Variants in UNC13C observed in about 807,000 individuals in gnomAD.
UNC13C encodes unc-13 homolog C, also known as protein unc-13 homolog C.
Under a neutral mutation model 245.4 loss-of-function variants are expected in UNC13C, and 174 were observed. That is an observed-to-expected ratio of 0.71 (90% CI 0.63 to 0.80). The LOEUF is 0.80. Among genes scored for constraint, UNC13C ranks in the 30% least tolerant of loss-of-function variants. The pLI, the probability that UNC13C is intolerant of heterozygous loss-of-function variation, is 0.00. For synonymous variants in UNC13C, 992 were observed against 895.1 expected (o/e 1.11, Z -1.93); for missense variants, 2,829 against 2,602.9 (o/e 1.09, Z -1.89).
chr15:53,914,837 T>A, the UNC13C span: 4 of 152,164 alleles, frequency 2.6e-5, no homozygotes, highest in African/African-American at 9.7e-5. Context: ...GTGATAACTG[T>A]TTTAGGTTTA....
intron 10 of UNC13C, among the ~76,000 whole-genome samples, chr15:54,267,950 T>TTTTTTTTAAATTTTACTTTAAAAA (rs2036588001): frequency 6.6e-6 from 1 of 151,572 alleles, no homozygotes; most frequent in Admixed American, 6.6e-5. Flanking sequence ...CTTTCTTTCT[T>TTTTTTTTAAATTTTACTTTAAAAA]TTTTTTTAAA....
chr15:54,132,966 A>G (rs2031519591), intron 2 of UNC13C, among the ~76,000 whole-genome samples: 1 of 152,206 alleles, frequency 6.6e-6, no homozygotes, highest in Non-Finnish European at 1.5e-5. Flanking sequence ...GAGGTAAAAC[A>G]TTGAGGGAGA....
chr15:54,600,312 T>C (rs951409564), intron 30 of UNC13C, among the ~76,000 whole-genome samples: 1 of 152,064 alleles, frequency 6.6e-6, no homozygotes, highest in Non-Finnish European at 1.5e-5. Flanking sequence ...AAAAGGGCTA[T>C]CTAGGGAGGG....
chr15:54,482,928 A>G (rs1415371066), intron 19 of UNC13C, among the ~76,000 whole-genome samples: 2 of 152,240 alleles, frequency 1.3e-5, no homozygotes, highest in Non-Finnish European at 2.9e-5. Context: ...TTTTTAATGA[A>G]CTAGTTTATT....
At chr15:53,865,381 GT>G in the UNC13C span, among the ~76,000 whole-genome samples, 6 of 152,142 alleles carry the variant, frequency 3.9e-5, no homozygotes, top group South Asian at 2.1e-4. Flanking sequence ...AGCAGGTTTG[GT>G]TTTTCCTGAG....
At chr15:54,062,058 A>G (rs1321298524) in intron 2 of UNC13C, among the ~76,000 whole-genome samples, 5 of 152,026 alleles carry the variant, frequency 3.3e-5, no homozygotes, top group Non-Finnish European at 7.4e-5. Context: ...GGTGGCTCAC[A>G]CCTGTAATCC....
rs1304425603 is a variant in UNC13C at position 54,626,854 on chromosome 15, G to T, written c.6386G>T (p.Gly2129Val). The T allele has an allele frequency of 3.1e-6, 5 of 1,612,546 alleles. No homozygotes were observed. The South Asian group carries it at 5.5e-5, about 18-fold the overall frequency. Reference sequence around the variant, plus strand: ...ATTCTCGGAAAGGAAAATCGACCAGGGGCTTATGAACTTCATCTCTCAGTT... The same window carrying T: ...ATTCTCGGAAAGGAAAATCGACCAGTGGCTTATGAACTTCATCTCTCAGTT... ...QFILGKENRP[G>V]AYELHLSVKD... Residue 2129 changes from glycine (G) to valine (V), a missense_variant, in exon 33 of 33, where the codon GGG becomes GTG. By Grantham distance (109) the Gly-to-Val change is moderately radical. Transcript: ENST00000260323.
chr15:54,225,591 A>G (rs879188231), intron 4 of UNC13C, among the ~76,000 whole-genome samples: 2 of 152,172 alleles, frequency 1.3e-5, no homozygotes, highest in African/African-American at 4.8e-5. Context: ...GAGTTCACTC[A>G]TGAATTGGTT....
chr15:54,299,931 C>A (rs1227577930), intron 12 of UNC13C, among the ~76,000 whole-genome samples: 2 of 152,116 alleles, frequency 1.3e-5, no homozygotes. Flanking sequence ...CTGTCAGAGA[C>A]CTATCCAGAG....
chr15:54,406,267 G>C (rs1444048543), intron 18 of UNC13C, among the ~76,000 whole-genome samples: 1 of 152,174 alleles, frequency 6.6e-6, no homozygotes, highest in East Asian at 1.9e-4. Context: ...AGCAAGGCCT[G>C]CTCATTCACA....
the UNC13C span, among the ~76,000 whole-genome samples, chr15:53,944,147 G>C: frequency 6.6e-6 from 1 of 151,958 alleles, no homozygotes; most frequent in East Asian, 1.9e-4. Context: ...AAAGGCTTAT[G>C]TCTGCCATCT....
intron 2 of UNC13C, among the ~76,000 whole-genome samples, chr15:54,088,134 C>T (rs1168716369): frequency 2.7e-5 from 4 of 150,426 alleles, no homozygotes; most frequent in Non-Finnish European, 5.9e-5. Context: ...TTTGTATCAA[C>T]TGAATAGTCC....
At chr15:53,839,820 G>C in the UNC13C span, among the ~76,000 whole-genome samples, 1 of 151,760 alleles carries the variant, frequency 6.6e-6, no homozygotes, top group African/African-American at 2.4e-5. Context: ...TTTTTTGAAG[G>C]TTGCCAATTA....
intron 8 of UNC13C, among the ~76,000 whole-genome samples, chr15:54,252,490 C>G (rs1291679995): frequency 1.3e-5 from 2 of 151,980 alleles, no homozygotes; most frequent in African/African-American, 4.8e-5. Context: ...TCCATTTTTA[C>G]TTTTTTCCTA....
chr15:54,102,888 C>A (rs942261057), intron 2 of UNC13C, among the ~76,000 whole-genome samples: 2 of 152,158 alleles, frequency 1.3e-5, no homozygotes, highest in East Asian at 3.9e-4. Flanking sequence ...AATGCTGTTG[C>A]CATAGTTCTG....
chr15:53,961,168 TG>T, the UNC13C span, among the ~76,000 whole-genome samples: 1 of 152,220 alleles, frequency 6.6e-6, no homozygotes, highest in Non-Finnish European at 1.5e-5. Flanking sequence ...CGGAGCTCTC[TG>T]GGGGCACTCC....
chr15:54,323,688 A>G (rs118107904), intron 14 of UNC13C, among the ~76,000 whole-genome samples: 7,439 of 152,168 alleles, frequency 0.049, 277 homozygotes, highest in Admixed American at 0.1. Context: ...AGCCAGTTCA[A>G]CAAAATCCTG....
At chr15:54,457,642 C>CAAA (rs1891603532) in intron 19 of UNC13C, among the ~76,000 whole-genome samples, 1 of 151,952 alleles carries the variant, frequency 6.6e-6, no homozygotes, top group African/African-American at 2.4e-5. Context: ...ATATCCTCTA[C>CAAA]GTTTTCCAGT....
chr15:53,979,828 TAAAA>T (rs1240913637), intron 1 of UNC13C, among the ~76,000 whole-genome samples: 1 of 152,152 alleles, frequency 6.6e-6, no homozygotes, highest in African/African-American at 2.4e-5. Context: ...TTGAAATTAA[TAAAA>T]AACTTAATGA....
Sources: gnomAD v4.1 joint callset for allele counts (sites outside exome capture counted in the v4.1 genomes callset) on GRCh38, gnomAD v4.1.1 for gene constraint, MANE v1.5 for transcripts, NCBI Gene and HGNC (gene_info 2026-07-23, HGNC 2026-07-21) for gene names.